Variants in HCN1 observed in about 807,000 individuals in gnomAD.
HCN1 encodes the protein hyperpolarization activated cyclic nucleotide gated potassium channel 1, also known as potassium/sodium hyperpolarization-activated cyclic nucleotide-gated channel 1.
A neutral mutation model predicts 78.9 loss-of-function variants in HCN1; 13 were observed. That is an observed-to-expected ratio of 0.16 (90% CI 0.11 to 0.26). HCN1 has a LOEUF of 0.26. Among genes scored for constraint, HCN1 ranks in the 10% least tolerant of loss-of-function variants. HCN1 has a pLI of 1.00. For missense variants in HCN1, 810 were observed against 1,154.3 expected, an observed-to-expected ratio of 0.70 and a Z score of 4.32; for synonymous variants, 552 against 455.5, an observed-to-expected ratio of 1.21 and a Z score of -2.70.
rs966376899 is a variant in HCN1, at chr5:45,303,835, A to G, written c.1382T>C (p.Ile461Thr). The G allele has an allele frequency of 6.2e-7, 1 of 1,612,090 alleles. No homozygotes were observed. The highest frequency in any genetic ancestry group is 8.5e-7 in the Non-Finnish European group (1 of 1,178,294). ...NELNDPLREE[I>T]VNFNCRKLVA... ...CAGTTTCCGACAGTTGAAGTTGACT[A>G]TCTCCTAAAGATGTCAAGAGTAAAC... Residue 461 changes from isoleucine to threonine, a missense_variant, in exon 6 of 8, where the codon ATA (isoleucine) becomes ACA (threonine). This residue lies in a region of HCN1 where 100 missense variants were observed against 126.8 expected (regional missense o/e 0.79). Transcript: ENST00000303230.
Position 45,479,994 on chromosome 5 carries a change from C to T in HCN1, c.850-17987G>A, listed in dbSNP as rs193294423. The T allele has an allele frequency of 4.0e-4, 61 of 152,688 alleles. 1 individual carries two copies. Among genetic ancestry groups the T allele is most frequent in the African/African-American group, 1.5e-3 (61 of 41,538 alleles). The allele number at this position is 152,688 out of a possible 1,614,324, so 9.5% of individuals were successfully genotyped here. A position where few individuals can be genotyped will look rare whatever the true frequency, so the allele number is the denominator to read the frequency against. ...TACACAAAAACTTCTAATGACTTACCATTTTCTCTGGAATTAAGTAAATCA... is the reference window on the plus strand; with the variant it reads ...TACACAAAAACTTCTAATGACTTACTATTTTCTCTGGAATTAAGTAAATCA... On this transcript the variant is annotated intron_variant, in intron 2 of 7. Coordinates refer to ENST00000303230, the MANE Select transcript of HCN1 (RefSeq NM_021072.4).
intron 6 of HCN1, among the ~76,000 whole-genome samples, chr5:45,302,135 T>C (rs1171966924): frequency 6.6e-6 from 1 of 152,094 alleles, no homozygotes; most frequent in East Asian, 1.9e-4. Flanking sequence ...GATAATATGG[T>C]TTGGCTCTAT....
At chr5:45,428,403 T>A (rs1740393615) in intron 3 of HCN1, among the ~76,000 whole-genome samples, 1 of 151,986 alleles carries the variant, frequency 6.6e-6, no homozygotes, top group Admixed American at 6.6e-5. Context: ...CCCTTCTTCT[T>A]TATCATTAAC....
intron 2 of HCN1, among the ~76,000 whole-genome samples, chr5:45,468,802 A>G (rs1471152253): frequency 6.6e-6 from 1 of 152,064 alleles, no homozygotes; most frequent in Admixed American, 6.6e-5. Flanking sequence ...GTAAACTGTA[A>G]AAGTACAAAC....
At chr5:45,455,724 T>C (rs1741015486) in intron 3 of HCN1, among the ~76,000 whole-genome samples, 1 of 144,454 alleles carries the variant, frequency 6.9e-6, no homozygotes, top group South Asian at 2.2e-4. Flanking sequence ...GGCTATGTTA[T>C]GTGTGAGCTT....
chr5:45,511,095 C>G (rs1318319939), intron 2 of HCN1, among the ~76,000 whole-genome samples: 2 of 151,942 alleles, frequency 1.3e-5, no homozygotes, highest in African/African-American at 4.8e-5. Flanking sequence ...AATGAGTATA[C>G]CCAGTACCTA....
At chr5:45,336,776 C>T (rs966560803) in intron 5 of HCN1, among the ~76,000 whole-genome samples, 2 of 151,968 alleles carry the variant, frequency 1.3e-5, no homozygotes, top group Admixed American at 6.6e-5. Flanking sequence ...TAGTGAGGGG[C>T]CACTTCCTGG....
intron 6 of HCN1, among the ~76,000 whole-genome samples, chr5:45,292,117 T>A (rs564722884): frequency 6.6e-6 from 1 of 152,096 alleles, no homozygotes; most frequent in Non-Finnish European, 1.5e-5. Context: ...TTTGCCCCAT[T>A]CCTGAAATAA....
chr5:45,324,941 C>A (rs184596512), intron 5 of HCN1, among the ~76,000 whole-genome samples: 1 of 151,894 alleles, frequency 6.6e-6, no homozygotes, highest in East Asian at 1.9e-4. Flanking sequence ...TCCTTTGGAG[C>A]AGTCCTTAGT....
At chr5:45,279,861 A>G (rs1745126329) in intron 6 of HCN1, among the ~76,000 whole-genome samples, 1 of 152,144 alleles carries the variant, frequency 6.6e-6, no homozygotes, top group African/African-American at 2.4e-5. Flanking sequence ...AAATTATCAA[A>G]TACTTAGCTG....
chr5:45,632,783 T>G (rs1422187717), intron 2 of HCN1, among the ~76,000 whole-genome samples: 1 of 151,944 alleles, frequency 6.6e-6, no homozygotes, highest in Admixed American at 6.6e-5. Flanking sequence ...TCTCTGACAA[T>G]AGCCACAACA....
intron 2 of HCN1, chr5:45,642,054 A>G (rs1162398058): frequency 6.6e-6 from 1 of 152,206 alleles, no homozygotes; most frequent in African/African-American, 2.4e-5. Context: ...TTTAAAACCA[A>G]ACATAAAAAT....
chr5:45,297,835 G>A (rs1411660074), intron 6 of HCN1, among the ~76,000 whole-genome samples: 1 of 151,954 alleles, frequency 6.6e-6, no homozygotes, highest in African/African-American at 2.4e-5. Flanking sequence ...TCACCACATT[G>A]ACAGACTAGA....
intron 2 of HCN1, among the ~76,000 whole-genome samples, chr5:45,585,979 C>T (rs1344811157): frequency 6.6e-6 from 1 of 152,186 alleles, no homozygotes; most frequent in African/African-American, 2.4e-5. Flanking sequence ...GTCAGGGACC[C>T]ACTTGAGGAG....
chr5:45,682,198 C>T (rs565163948), intron 1 of HCN1, among the ~76,000 whole-genome samples: 347 of 150,516 alleles, frequency 2.3e-3, no homozygotes, highest in African/African-American at 8.0e-3. Context: ...TGTTTATAAT[C>T]CACACAGTCT....
intron 1 of HCN1, among the ~76,000 whole-genome samples, chr5:45,679,538 T>C (rs1239384062): frequency 1.3e-5 from 2 of 152,048 alleles, no homozygotes; most frequent in African/African-American, 4.8e-5. Context: ...CATAGAAGCA[T>C]GCATTTCAAT....
chr5:45,469,444 A>G (rs1275215769), intron 2 of HCN1, among the ~76,000 whole-genome samples: 5 of 152,002 alleles, frequency 3.3e-5, no homozygotes, highest in Non-Finnish European at 7.4e-5. Context: ...AAAATTTCAA[A>G]TGGCTGCAAA....
rs773490588 is a variant in HCN1, at chr5:45,517,520, T to TAAAAAAA, written c.850-55520_850-55514dup. Among the ~76,000 whole-genome samples the TAAAAAAA allele has an allele frequency of 1.0e-3, 96 of 94,370 alleles. 1 individual carries two copies. The highest frequency in any genetic ancestry group is 3.8e-3 in the African/African-American group (91 of 24,052). The allele number at this position is 94,370 out of a possible 152,430, so 61.9% of individuals were successfully genotyped here. On this transcript the variant is annotated intron_variant, in intron 2 of 7. Transcript: ENST00000303230. ...AGAGATTGTATTCCCAATTTCCCCT[T>TAAAAAAA]AAAAAAAAAAAAAAAAAAAAAAAAC... is the stretch of plus-strand genomic sequence containing the variant.
intron 2 of HCN1, among the ~76,000 whole-genome samples, chr5:45,598,175 G>T (rs2111958869): frequency 6.6e-6 from 1 of 152,228 alleles, no homozygotes; most frequent in African/African-American, 2.4e-5. Context: ...ATACTACAAG[G>T]CTACAGCAAC....
Sources: allele counts gnomAD v4.1 joint callset (sites outside exome capture counted in the v4.1 genomes callset), GRCh38; gene constraint gnomAD v4.1.1; regional missense constraint gnomAD v4.1.1; transcripts MANE v1.5; gene names NCBI Gene and HGNC (gene_info 2026-07-23, HGNC 2026-07-21).